RNF152: variants seen among roughly 807,000 people sequenced by gnomAD.
RNF152 encodes the protein ring finger protein 152.
Under a neutral mutation model 12.7 loss-of-function variants are expected in RNF152, and 11 were observed. The ratio of observed to expected loss-of-function variants is 0.86; its 90% CI spans 0.54 to 1.43. The LOEUF (loss-of-function observed/expected upper bound fraction) is 1.43, where lower values mean the gene tolerates loss of function less well. RNF152 is among the 40% of genes most tolerant of loss of function. The pLI, the probability that RNF152 is intolerant of heterozygous loss-of-function variation, is 0.00. For synonymous variants in RNF152, 113 were observed against 120.3 expected (o/e 0.94, Z 0.40); for missense variants, 255 against 274.8 (o/e 0.93, Z 0.51).
At chr18:61,843,100 C>T (rs888297690) in intron 1 of RNF152, among the ~76,000 whole-genome samples, 8 of 152,158 alleles carry the variant, frequency 5.3e-5, no homozygotes, top group East Asian at 1.9e-4. Context: ...CAGAGCTAGC[C>T]GGGTATTTGA....
At chr18:61,890,919 A>G (rs1016736322) in intron 1 of RNF152, among the ~76,000 whole-genome samples, 5 of 152,242 alleles carry the variant, frequency 3.3e-5, no homozygotes, top group Admixed American at 6.5e-5. Context: ...GAGCTCCTCA[A>G]TGAAAGAGGC....
intron 1 of RNF152, among the ~76,000 whole-genome samples, chr18:61,857,782 T>G (rs1364292346): frequency 6.6e-6 from 1 of 152,226 alleles, no homozygotes; most frequent in Non-Finnish European, 1.5e-5. Context: ...AAAACATCTT[T>G]CAGCCTCAGT....
intron 1 of RNF152, among the ~76,000 whole-genome samples, chr18:61,857,720 AAC>A (rs1183717790): frequency 6.6e-6 from 1 of 152,112 alleles, no homozygotes; most frequent in East Asian, 1.9e-4. Flanking sequence ...CAAACAAACA[AAC>A]AAAAACTGTG....
intron 1 of RNF152, among the ~76,000 whole-genome samples, chr18:61,836,087 A>G (rs1480607657): frequency 6.6e-6 from 1 of 152,220 alleles, no homozygotes; most frequent in African/African-American, 2.4e-5. Context: ...GTCTAGTAAC[A>G]ATGAGCACAC....
At chr18:61,852,458 C>T (rs577717550) in intron 1 of RNF152, among the ~76,000 whole-genome samples, 2 of 152,306 alleles carry the variant, frequency 1.3e-5, no homozygotes, top group Admixed American at 6.5e-5. Flanking sequence ...ATTACAGCAT[C>T]GCTCATACAC....
At chr18:61,823,285 A>G (rs1041677277) in intron 1 of RNF152, among the ~76,000 whole-genome samples, 1 of 152,200 alleles carries the variant, frequency 6.6e-6, no homozygotes, top group Non-Finnish European at 1.5e-5. Context: ...CAGAAAGTGA[A>G]AATTGTCGTT....
intron 1 of RNF152, among the ~76,000 whole-genome samples, chr18:61,844,525 G>A (rs1273520822): frequency 2.0e-5 from 3 of 152,198 alleles, no homozygotes; most frequent in Non-Finnish European, 2.9e-5. Flanking sequence ...TGGGTTTTAT[G>A]TGCTTGTTGG....
At chr18:61,866,810 TG>T (rs1425208461) in intron 1 of RNF152, among the ~76,000 whole-genome samples, 18 of 152,204 alleles carry the variant, frequency 1.2e-4, no homozygotes, top group African/African-American at 4.1e-4. Context: ...TCCCCACCGC[TG>T]AGCAGCACAT....
At position 61,814,509 on chromosome 18, in the gene RNF152, T is replaced by C. The variant is rs984648253; in HGVS notation, c.*1343A>G. On this transcript the variant is annotated 3_prime_UTR_variant, in exon 2 of 2. Coordinates refer to ENST00000312828, the MANE Select transcript of RNF152 (RefSeq NM_173557.3). ...TTATCACGTACTTGTAGCAGATCTT[T>C]CTTCATGAGCATCTATAGATCATTA... The C allele has an allele frequency of 1.3e-5, 2 of 152,244 alleles. No individual in the cohort carries two copies. Among genetic ancestry groups the C allele is most frequent in the Non-Finnish European group, 2.9e-5 (2 of 68,048 alleles). The allele number at this position is 152,244 out of a possible 1,614,324, so 9.4% of individuals were successfully genotyped here.
chr18:61,862,502 C>T (rs761624124), intron 1 of RNF152, among the ~76,000 whole-genome samples: 2 of 152,170 alleles, frequency 1.3e-5, no homozygotes, highest in African/African-American at 4.8e-5. Context: ...GGGGATCCCA[C>T]CCTGTGCCCT....
chr18:61,851,604 C>T (rs1910983834), intron 1 of RNF152, among the ~76,000 whole-genome samples: 2 of 152,190 alleles, frequency 1.3e-5, no homozygotes, highest in Admixed American at 6.5e-5. Context: ...GTATCCCCCA[C>T]ACAGTAAGTT....
At chr18:61,876,235 T>A (rs1367795373) in intron 1 of RNF152, among the ~76,000 whole-genome samples, 1 of 152,212 alleles carries the variant, frequency 6.6e-6, no homozygotes, top group Non-Finnish European at 1.5e-5. Context: ...ATCCTCTGAA[T>A]TCCACTACCA....
intron 1 of RNF152, among the ~76,000 whole-genome samples, chr18:61,827,804 T>C (rs950590960): frequency 6.6e-6 from 1 of 152,194 alleles, no homozygotes; most frequent in Non-Finnish European, 1.5e-5. Flanking sequence ...AGTCTGCTCA[T>C]TACTTCTGCT....
In RNF152 at chr18:61,813,272, TCTCTCTCA is replaced by T. The variant is rs937726640; in HGVS notation, c.*2572_*2579del. 5.0e-5 allele frequency: 5 copies of T among 100,092 alleles called. No homozygotes were observed. Among genetic ancestry groups the T allele is most frequent in the African/African-American group, 1.9e-4 (5 of 25,716 alleles). The allele number at this position is 100,092 out of a possible 1,614,324, so 6.2% of individuals were successfully genotyped here. Reference sequence around the variant, plus strand: ...GAGACTGAGATTCTCTCTCTCTCTCTCTCTCTCACACACACACACACACACACACACAC... The same window carrying T: ...GAGACTGAGATTCTCTCTCTCTCTCTCACACACACACACACACACACACAC... On this transcript the variant is annotated 3_prime_UTR_variant, in exon 2 of 2. Transcript: ENST00000312828.
chr18:61,858,632 G>A (rs557773541), intron 1 of RNF152, among the ~76,000 whole-genome samples: 3 of 152,198 alleles, frequency 2.0e-5, no homozygotes, highest in Middle Eastern at 3.4e-3. Context: ...AAGCCAGTCC[G>A]CAGTACTCAT....
In RNF152 at chr18:61,810,132, T is replaced by C. The variant is rs576855759; in HGVS notation, c.*5720A>G. 1.3e-3 allele frequency: 192 copies of C among 152,332 alleles called. No individual in the cohort carries two copies. Among genetic ancestry groups the C allele is most frequent in the African/African-American group, 4.3e-3 (179 of 41,578 alleles). The allele number at this position is 152,332 out of a possible 1,614,324, so 9.4% of individuals were successfully genotyped here. ...TTTATATAGACACTCCCAAAGGTAG[T>C]TAGTTTGACATAATGTATGCAGCCC... On this transcript the variant is annotated 3_prime_UTR_variant, in exon 2 of 2. Transcript: ENST00000312828.
chr18:61,852,044 G>C (rs1911009142), intron 1 of RNF152, among the ~76,000 whole-genome samples: 2 of 152,154 alleles, frequency 1.3e-5, no homozygotes, highest in African/African-American at 4.8e-5. Flanking sequence ...CTCAGTGACA[G>C]GCAGCTCAGA....
chr18:61,840,374 T>C (rs187086280), intron 1 of RNF152, among the ~76,000 whole-genome samples: 2 of 152,216 alleles, frequency 1.3e-5, no homozygotes, highest in East Asian at 3.9e-4. Flanking sequence ...ATCTGTAAAA[T>C]CTCCTAGGAT....
chr18:61,877,025 G>A (rs1912243783), intron 1 of RNF152, among the ~76,000 whole-genome samples: 1 of 152,140 alleles, frequency 6.6e-6, no homozygotes, highest in Non-Finnish European at 1.5e-5. Flanking sequence ...ACTCAGTTGG[G>A]GTGGCTCTTT....
Sources: allele counts gnomAD v4.1 joint callset (sites outside exome capture counted in the v4.1 genomes callset), GRCh38; gene constraint gnomAD v4.1.1; transcripts MANE v1.5; gene names NCBI Gene and HGNC (gene_info 2026-07-23, HGNC 2026-07-21).